PABPC4L: variants seen among roughly 807,000 people sequenced by gnomAD.
PABPC4L encodes the protein polyadenylate-binding protein 4-like.
For missense variants in PABPC4L, 452 were observed against 451.4 expected (o/e 1.00, Z -0.01); for synonymous variants, 169 against 164.1 (o/e 1.03, Z -0.23).
At chr4:134,141,119 C>T in the PABPC4L span, among the ~76,000 whole-genome samples, 88 of 151,678 alleles carry the variant, frequency 5.8e-4, no homozygotes, top group Non-Finnish European at 1.2e-3. Flanking sequence ...CTACATTGTA[C>T]AATCAGTACA....
chr4:133,996,421 G>T, the PABPC4L span, among the ~76,000 whole-genome samples: 1 of 152,170 alleles, frequency 6.6e-6, no homozygotes, highest in Admixed American at 6.5e-5. Context: ...AATTGAGCCT[G>T]CGAGACGAAG....
the PABPC4L span, among the ~76,000 whole-genome samples, chr4:134,116,281 A>G: frequency 1.3e-5 from 2 of 151,944 alleles, no homozygotes; most frequent in East Asian, 1.9e-4. Flanking sequence ...GTCACATTAC[A>G]TGTAAGTAAA....
the PABPC4L span, among the ~76,000 whole-genome samples, chr4:133,971,755 C>T: frequency 6.6e-6 from 1 of 152,294 alleles, no homozygotes; most frequent in East Asian, 1.9e-4. Flanking sequence ...AAAATAGGAT[C>T]TTTGCACATA....
At chr4:134,120,369 T>G in the PABPC4L span, among the ~76,000 whole-genome samples, 1 of 149,742 alleles carries the variant, frequency 6.7e-6, no homozygotes, top group African/African-American at 2.4e-5. Context: ...ATAATTAATT[T>G]AATATTGTGT....
At chr4:133,991,566 T>A in the PABPC4L span, among the ~76,000 whole-genome samples, 1 of 152,196 alleles carries the variant, frequency 6.6e-6, no homozygotes, top group African/African-American at 2.4e-5. Flanking sequence ...CTGGCCAAGC[T>A]ATCTACAAAG....
chr4:134,124,668 C>A, the PABPC4L span, among the ~76,000 whole-genome samples: 1 of 152,100 alleles, frequency 6.6e-6, no homozygotes, highest in Non-Finnish European at 1.5e-5. Flanking sequence ...AAACAATTTT[C>A]TTTCCCTTAT....
the PABPC4L span, among the ~76,000 whole-genome samples, chr4:134,113,788 G>A: frequency 6.6e-6 from 1 of 151,832 alleles, no homozygotes; most frequent in Middle Eastern, 3.2e-3. Flanking sequence ...AAATGTAGGA[G>A]AAAGTCACGC....
the PABPC4L span, among the ~76,000 whole-genome samples, chr4:133,991,759 T>A: frequency 2.0e-5 from 3 of 152,270 alleles, no homozygotes; most frequent in African/African-American, 7.2e-5. Flanking sequence ...TTAAATTGAC[T>A]GGTAGGAATG....
At chr4:134,159,273 G>T in the PABPC4L span, among the ~76,000 whole-genome samples, 1 of 152,086 alleles carries the variant, frequency 6.6e-6, no homozygotes, top group Non-Finnish European at 1.5e-5. Context: ...GCCAAATAGT[G>T]ACCACCCCCC....
the PABPC4L span, among the ~76,000 whole-genome samples, chr4:134,085,720 G>A: frequency 6.6e-6 from 1 of 152,056 alleles, no homozygotes; most frequent in Non-Finnish European, 1.5e-5. Flanking sequence ...TTATGTTTGT[G>A]GGAGTCTACA....
At chr4:133,975,439 A>G in the PABPC4L span, among the ~76,000 whole-genome samples, 1 of 152,136 alleles carries the variant, frequency 6.6e-6, no homozygotes, top group Non-Finnish European at 1.5e-5. Flanking sequence ...TGAATATACT[A>G]AAACTCACTA....
chr4:134,045,579 T>C, the PABPC4L span, among the ~76,000 whole-genome samples: 1 of 152,148 alleles, frequency 6.6e-6, no homozygotes, highest in Non-Finnish European at 1.5e-5. Flanking sequence ...TGGAAGAGGC[T>C]TACATAAGGT....
the PABPC4L span, among the ~76,000 whole-genome samples, chr4:134,078,150 G>A: frequency 6.6e-6 from 1 of 152,072 alleles, no homozygotes; most frequent in Non-Finnish European, 1.5e-5. Flanking sequence ...TAATACTAAA[G>A]TAAAAGCTTA....
the PABPC4L span, among the ~76,000 whole-genome samples, chr4:134,005,819 G>A: frequency 6.6e-6 from 1 of 151,670 alleles, no homozygotes; most frequent in Non-Finnish European, 1.5e-5. Context: ...CAGAGAAAGT[G>A]ACATTTTACT....
the PABPC4L span, among the ~76,000 whole-genome samples, chr4:134,019,927 A>T: frequency 2.0e-5 from 3 of 152,248 alleles, no homozygotes; most frequent in East Asian, 5.8e-4. Flanking sequence ...TGACTTAGAG[A>T]TGACAGACAA....
At chr4:133,970,694 T>G in the PABPC4L span, among the ~76,000 whole-genome samples, 1 of 152,082 alleles carries the variant, frequency 6.6e-6, no homozygotes, top group African/African-American at 2.4e-5. Flanking sequence ...ACCCTCAAGG[T>G]GGTAGTATTA....
At chr4:134,064,278 A>C in the PABPC4L span, among the ~76,000 whole-genome samples, 1 of 152,084 alleles carries the variant, frequency 6.6e-6, no homozygotes. Flanking sequence ...TCAAATTCCC[A>C]AGTAGGATTT....
the PABPC4L span, among the ~76,000 whole-genome samples, chr4:134,069,656 T>C: frequency 6.6e-6 from 1 of 152,342 alleles, no homozygotes; most frequent in East Asian, 1.9e-4. Context: ...AGTGAGTTTT[T>C]CAACTCTATC....
the PABPC4L span, among the ~76,000 whole-genome samples, chr4:134,180,287 CT>C: frequency 6.6e-6 from 1 of 151,778 alleles, no homozygotes; most frequent in Non-Finnish European, 1.5e-5. Context: ...TTTTGAATGA[CT>C]TTTGGGTAAA....
Sources: gnomAD v4.1 joint callset for allele counts (sites outside exome capture counted in the v4.1 genomes callset) on GRCh38, gnomAD v4.1.1 for gene constraint, MANE v1.5 for transcripts, NCBI Gene and HGNC (gene_info 2026-07-23, HGNC 2026-07-21) for gene names.